TENM3: variants seen among roughly 807,000 people sequenced by gnomAD.
The protein encoded by TENM3 is teneurin-3.
In TENM3, 63 loss-of-function variants were observed where a neutral mutation model predicts 255.1. The ratio of observed to expected loss-of-function variants is 0.25; its 90% confidence interval spans 0.20 to 0.30. TENM3 has a LOEUF of 0.30. Ranked by LOEUF, TENM3 falls within the 10% of genes least tolerant of loss-of-function variation. The pLI is 1.00. For missense variants in TENM3, 2,929 were observed against 3,461.1 expected, an observed-to-expected ratio of 0.85 and a Z score of 3.86; for synonymous variants, 1,306 against 1,322.3, an observed-to-expected ratio of 0.99 and a Z score of 0.27.
chr4:181,464,045 T>C, the TENM3 span, among the ~76,000 whole-genome samples: 1 of 152,214 alleles, frequency 6.6e-6, no homozygotes, highest in South Asian at 2.1e-4. Context: ...GTTTATCCAT[T>C]TATAATTTGA....
intron 2 of TENM3, among the ~76,000 whole-genome samples, chr4:182,341,966 A>G (rs535497997): frequency 3.7e-4 from 57 of 152,192 alleles, no homozygotes; most frequent in Non-Finnish European, 6.8e-4. Context: ...GTGTGGTATA[A>G]AAGAGAACCA....
At chr4:181,495,958 G>T in the TENM3 span, among the ~76,000 whole-genome samples, 2 of 151,076 alleles carry the variant, frequency 1.3e-5, no homozygotes, top group Admixed American at 1.3e-4. Flanking sequence ...TCTACCTGGG[G>T]TGCTTACTGT....
At chr4:181,624,662 G>C in the TENM3 span, among the ~76,000 whole-genome samples, 1 of 152,324 alleles carries the variant, frequency 6.6e-6, no homozygotes, top group African/African-American at 2.4e-5. Context: ...CTCAGATGTG[G>C]ATTTTCTCTA....
the TENM3 span, among the ~76,000 whole-genome samples, chr4:181,754,151 TA>T: frequency 6.6e-6 from 1 of 152,146 alleles, no homozygotes; most frequent in Non-Finnish European, 1.5e-5. Context: ...GCAATCACAT[TA>T]GTATATTTGA....
In TENM3 at chr4:182,622,312, A is replaced by C. The variant is rs183009693; in HGVS notation, c.750-6339A>C. On this transcript the variant is annotated intron_variant, in intron 4 of 27. Transcript: ENST00000511685. ...CAGTGAGCCGAGATCACACCACTTCACTCCAGCCTAGATGACAAGAGCAAA... is the reference window on the plus strand; with the variant it reads ...CAGTGAGCCGAGATCACACCACTTCCCTCCAGCCTAGATGACAAGAGCAAA... Among the ~76,000 whole-genome samples the C allele has an allele frequency of 2.0e-5, 3 of 152,126 alleles. No individual in the cohort carries two copies. The East Asian group carries it at 5.8e-4, about 29-fold the overall frequency.
At chr4:182,140,518 C>G (rs1749322064), upstream of TENM3, among the ~76,000 whole-genome samples, 1 of 152,088 alleles carries the variant, frequency 6.6e-6, no homozygotes, top group Non-Finnish European at 1.5e-5. Flanking sequence ...AGACAGGCCG[C>G]TCATGCCTCC....
the TENM3 span, among the ~76,000 whole-genome samples, chr4:181,777,308 T>A: frequency 1.3e-5 from 2 of 152,216 alleles, no homozygotes; most frequent in African/African-American, 4.8e-5. Flanking sequence ...TTTTGGTTAC[T>A]ATAGCATTAT....
At chr4:181,895,721 T>C in the TENM3 span, among the ~76,000 whole-genome samples, 2 of 151,730 alleles carry the variant, frequency 1.3e-5, no homozygotes, top group African/African-American at 2.4e-5. Context: ...AATTTTTAAA[T>C]TTTTTATAGA....
the TENM3 span, among the ~76,000 whole-genome samples, chr4:181,500,328 C>A: frequency 7.0e-6 from 1 of 142,084 alleles, no homozygotes; most frequent in Non-Finnish European, 1.6e-5. Flanking sequence ...CGCACCCGGC[C>A]TTATGGAAAA....
chr4:181,736,664 C>A, the TENM3 span, among the ~76,000 whole-genome samples: 7 of 151,838 alleles, frequency 4.6e-5, no homozygotes, highest in African/African-American at 1.7e-4. Flanking sequence ...ACCATTAAAA[C>A]CCAATAATCC....
the TENM3 span, among the ~76,000 whole-genome samples, chr4:182,045,175 G>A: frequency 3.3e-5 from 5 of 152,278 alleles, no homozygotes; most frequent in East Asian, 7.7e-4. Flanking sequence ...CCTTCTGAAT[G>A]AGCAGGGCCA....
At chr4:182,387,761 G>A (rs1768072907) in intron 3 of TENM3, among the ~76,000 whole-genome samples, 2 of 151,606 alleles carry the variant, frequency 1.3e-5, no homozygotes, top group East Asian at 3.9e-4. Context: ...GAACCCACCA[G>A]AAGGAAAAAA....
At chr4:181,834,461 G>A in the TENM3 span, among the ~76,000 whole-genome samples, 1 of 152,228 alleles carries the variant, frequency 6.6e-6, no homozygotes, top group Admixed American at 6.5e-5. Context: ...CTGGGCTGCA[G>A]GAAGGCTCAG....
At chr4:181,618,202 T>C in the TENM3 span, among the ~76,000 whole-genome samples, 1 of 152,172 alleles carries the variant, frequency 6.6e-6, no homozygotes, top group Admixed American at 6.5e-5. Context: ...GCAGGCACTC[T>C]AGGGTGAGTT....
chr4:181,851,330 A>C, the TENM3 span, among the ~76,000 whole-genome samples: 1 of 152,188 alleles, frequency 6.6e-6, no homozygotes, highest in South Asian at 2.1e-4. Flanking sequence ...AGTCGATTGT[A>C]GCACTCCATG....
chr4:181,906,078 G>A, the TENM3 span: 156 of 337,542 alleles, frequency 4.6e-4, no homozygotes, highest in East Asian at 5.3e-3. Flanking sequence ...ATAACTTTCC[G>A]TAGTAATTCC....
chr4:182,214,002 T>C (rs11132118), intron 1 of TENM3, among the ~76,000 whole-genome samples: 9,745 of 151,992 alleles, frequency 0.064, 421 homozygotes, highest in Non-Finnish European at 0.094. Flanking sequence ...GGGGTTTCAC[T>C]TGTGTTAGCC....
At chr4:181,964,268 C>A in the TENM3 span, among the ~76,000 whole-genome samples, 1 of 152,010 alleles carries the variant, frequency 6.6e-6, no homozygotes, top group Non-Finnish European at 1.5e-5. Context: ...AATGGCCAAT[C>A]CCCCAACAAA....
chr4:181,928,833 C>A, the TENM3 span, among the ~76,000 whole-genome samples: 1 of 152,172 alleles, frequency 6.6e-6, no homozygotes, highest in East Asian at 1.9e-4. Flanking sequence ...GTGGATCTCT[C>A]TGCAGAAACC....
Sources: gnomAD v4.1 joint callset for allele counts (sites outside exome capture counted in the v4.1 genomes callset) on GRCh38, gnomAD v4.1.1 for gene constraint, MANE v1.5 for transcripts, NCBI Gene and HGNC (gene_info 2026-07-23, HGNC 2026-07-21) for gene names.